SDK1: variants seen among roughly 807,000 people sequenced by gnomAD.
SDK1 encodes the protein protein sidekick-1.
In SDK1, 157 loss-of-function variants were observed where a neutral mutation model predicts 245.5. The observed-to-expected ratio is 0.64, with a 90% CI of 0.56 to 0.73. The LOEUF (loss-of-function observed/expected upper bound fraction) is 0.73, where lower values mean the gene tolerates loss of function less well. SDK1 is among the 30% of genes least tolerant of loss of function. The probability of loss-of-function intolerance (pLI) is 0.00; values close to 1 mark genes in which losing one functional copy is unlikely to be tolerated. For missense variants in SDK1, 3,583 were observed against 3,002.3 expected (o/e 1.19, Z -4.52); for synonymous variants, 1,647 against 1,278.5 (o/e 1.29, Z -6.15).
At chr7:3,398,102 A>AACGTTTTCTGTAACTGTAGGTTTT (rs1215537574) in intron 1 of SDK1, among the ~76,000 whole-genome samples, 7 of 151,864 alleles carry the variant, frequency 4.6e-5, no homozygotes, top group African/African-American at 1.7e-4. Context: ...CTGTAGGTTT[A>AACGTTTTCTGTAACTGTAGGTTTT]ACGTTTTCTG....
At chr7:3,401,542 C>A (rs1778887463) in intron 1 of SDK1, among the ~76,000 whole-genome samples, 1 of 152,154 alleles carries the variant, frequency 6.6e-6, no homozygotes, top group African/African-American at 2.4e-5. Context: ...AATAACAAGA[C>A]CACTCATGGC....
intron 1 of SDK1, among the ~76,000 whole-genome samples, chr7:3,411,491 A>C (rs1345878930): frequency 6.6e-6 from 1 of 152,098 alleles, no homozygotes; most frequent in African/African-American, 2.4e-5. Flanking sequence ...TTTTCAGTTC[A>C]TGTTTTACCA....
intron 5 of SDK1, among the ~76,000 whole-genome samples, chr7:3,838,088 A>T (rs1780066445): frequency 6.6e-6 from 1 of 152,214 alleles, no homozygotes; most frequent in Non-Finnish European, 1.5e-5. Context: ...TCCCTTAGCA[A>T]GTATAGCCGC....
chr7:3,416,559 A>G (rs1779371744), intron 1 of SDK1, among the ~76,000 whole-genome samples: 1 of 151,612 alleles, frequency 6.6e-6, no homozygotes, highest in Admixed American at 6.6e-5. Context: ...TCAGGCAATA[A>G]GGAGATTAGG....
chr7:3,655,501 A>G (rs11977245), intron 4 of SDK1, among the ~76,000 whole-genome samples: 12,362 of 51,128 alleles, frequency 0.24, 1,963 homozygotes, highest in African/African-American at 0.43. Context: ...ATATATATAT[A>G]TATGTATGTA....
rs11456010 is a variant in SDK1 at position 3,373,636 on chromosome 7, C to CTT, written c.298+71762_298+71763dup. Among the ~76,000 whole-genome samples the CTT allele has an allele frequency of 4.8e-4, 71 of 148,502 alleles. 1 individual carries two copies. The highest frequency in any genetic ancestry group is 2.3e-3 in the South Asian group (11 of 4,712). On this transcript the variant is annotated intron_variant, in intron 1 of 44. Coordinates refer to ENST00000404826, the MANE Select transcript of SDK1 (RefSeq NM_152744.4). ...GCAACACCATTAAAAATGTTCTGTT[C>CTT]TTTTTTTTTTTGGATGTGCGATACT...
At chr7:4,219,612 A>AAT (rs1256933639) in intron 38 of SDK1, among the ~76,000 whole-genome samples, 2 of 152,088 alleles carry the variant, frequency 1.3e-5, no homozygotes, top group African/African-American at 4.8e-5. Flanking sequence ...ACAAGTGGGG[A>AAT]TTATTACAAT....
intron 1 of SDK1, among the ~76,000 whole-genome samples, chr7:3,356,097 C>T (rs924425695): frequency 6.6e-5 from 10 of 152,148 alleles, no homozygotes; most frequent in Non-Finnish European, 1.2e-4. Flanking sequence ...TATGAATTCC[C>T]ATGTCAGCCT....
At chr7:3,614,291 A>T (rs1781697066) in intron 1 of SDK1, among the ~76,000 whole-genome samples, 1 of 152,188 alleles carries the variant, frequency 6.6e-6, no homozygotes, top group Non-Finnish European at 1.5e-5. Flanking sequence ...TGGAAATTTC[A>T]CTTTTCCTTA....
chr7:3,831,830 C>G (rs528194759), intron 5 of SDK1, among the ~76,000 whole-genome samples: 16 of 152,016 alleles, frequency 1.1e-4, no homozygotes, highest in African/African-American at 2.7e-4. Context: ...GAGCATTGCT[C>G]GAGCCCAGGA....
intron 1 of SDK1, among the ~76,000 whole-genome samples, chr7:3,516,423 T>G (rs987512953): frequency 6.6e-6 from 1 of 152,134 alleles, no homozygotes; most frequent in Admixed American, 6.6e-5. Context: ...TAATTTGAAT[T>G]ACTTTGTCAC....
At chr7:4,220,416 A>G (rs1194412886) in intron 39 of SDK1, 146 bp downstream of exon 39, 4 of 789,670 alleles carry the variant, frequency 5.1e-6, no homozygotes, top group Non-Finnish European at 7.8e-6. Flanking sequence ...TCTGGGCAAC[A>G]TGGACGTCTT....
intron 4 of SDK1, among the ~76,000 whole-genome samples, chr7:3,761,736 C>G (rs1434617761): frequency 6.6e-6 from 1 of 151,656 alleles, no homozygotes; most frequent in Non-Finnish European, 1.5e-5. Flanking sequence ...ACTGCAGTGA[C>G]TAAGTAGCAG....
intron 1 of SDK1, among the ~76,000 whole-genome samples, chr7:3,456,619 A>G (rs1780676771): frequency 6.6e-6 from 1 of 152,182 alleles, no homozygotes; most frequent in South Asian, 2.1e-4. Context: ...CCGAGAGAAT[A>G]CATAGTTGCT....
intron 1 of SDK1, among the ~76,000 whole-genome samples, chr7:3,438,602 A>G (rs377100595): frequency 6.6e-6 from 1 of 152,144 alleles, no homozygotes; most frequent in Non-Finnish European, 1.5e-5. Context: ...GGTTAAGAAC[A>G]TGGGCTCTGG....
At chr7:3,464,325 G>A (rs963697963) in intron 1 of SDK1, among the ~76,000 whole-genome samples, 8 of 152,074 alleles carry the variant, frequency 5.3e-5, no homozygotes, top group African/African-American at 1.9e-4. Flanking sequence ...GGAGTTCTAG[G>A]CCAGCCTGAG....
At chr7:3,573,532 C>T (rs923820656) in intron 1 of SDK1, among the ~76,000 whole-genome samples, 4 of 152,220 alleles carry the variant, frequency 2.6e-5, no homozygotes, top group East Asian at 1.9e-4. Flanking sequence ...ACAGCCTCCA[C>T]GTGTGCACCT....
intron 6 of SDK1, 131 bp downstream of exon 6, chr7:3,951,165 C>T (rs1780802829): frequency 1.0e-5 from 7 of 683,582 alleles, no homozygotes. Flanking sequence ...CCGGGTGGGC[C>T]ATGAATACGA....
At chr7:3,819,808 A>T (rs901270366) in intron 4 of SDK1, among the ~76,000 whole-genome samples, 1 of 152,210 alleles carries the variant, frequency 6.6e-6, no homozygotes, top group Non-Finnish European at 1.5e-5. Flanking sequence ...ATAATTTTAT[A>T]TAATGTGTAA....
Sources: allele counts gnomAD v4.1 joint callset (sites outside exome capture counted in the v4.1 genomes callset), GRCh38; gene constraint gnomAD v4.1.1; transcripts MANE v1.5; gene names NCBI Gene and HGNC (gene_info 2026-07-23, HGNC 2026-07-21).